TAF1C: variants seen among roughly 807,000 people sequenced by gnomAD.
TAF1C encodes TATA box-binding protein-associated factor RNA polymerase I subunit C.
In TAF1C, 79 loss-of-function variants were observed where a neutral mutation model predicts 70.5. The observed-to-expected ratio is 1.12, with a 90% confidence interval of 0.93 to 1.35. The LOEUF is 1.35. TAF1C is among the 40% of genes most tolerant of loss of function. The pLI is 0.00. For synonymous variants in TAF1C, 614 were observed against 491.1 expected, an observed-to-expected ratio of 1.25 and a Z score of -3.31; for missense variants, 1,412 against 1,127.8, an observed-to-expected ratio of 1.25 and a Z score of -3.61.
chr16:84,180,260 CCAG>C lies in TAF1C; in HGVS notation c.1390_1392del (p.Leu464del), dbSNP rs1567588060. The C allele has an allele frequency of 6.5e-6, 10 of 1,545,522 alleles. No individual in the cohort carries two copies. Among genetic ancestry groups the C allele is most frequent in the Admixed American group, 2.1e-5 (1 of 48,284 alleles). The stretch of plus-strand genomic sequence containing the variant: ...GGCCGGGGCGGAGGCAGCAGTCGGG[CCAG>C]CAGGAGCGGGGAGGGGAGGCCATGG... On this transcript the variant is annotated inframe_deletion, in exon 13 of 15. Coordinates refer to ENST00000566732, the MANE Select transcript of TAF1C (RefSeq NM_001243156.2).
In TAF1C at chr16:84,178,606, G is replaced by C. The variant is rs1019285101; in HGVS notation, c.*335C>G. On this transcript the variant is annotated 3_prime_UTR_variant, in exon 15 of 15. Transcript: ENST00000566732. ...CATTCCACTGGACAGGAAGGCGTGAGAACTGAGGGACCTGCCTGAGGCCCC... is the reference window on the plus strand; with the variant it reads ...CATTCCACTGGACAGGAAGGCGTGACAACTGAGGGACCTGCCTGAGGCCCC... 4 of 428,216 alleles carry C rather than the reference G, an allele frequency of 9.3e-6. No homozygotes were observed. Among genetic ancestry groups the C allele is most frequent in the Non-Finnish European group, 1.8e-5 (4 of 225,730 alleles). The allele number at this position is 428,216 out of a possible 1,614,324, so 26.5% of individuals were successfully genotyped here.
In TAF1C at chr16:84,177,930, GTA is replaced by G; in HGVS notation, c.*1009_*1010del. On this transcript the variant is annotated 3_prime_UTR_variant, in exon 15 of 15. Coordinates refer to ENST00000566732, the MANE Select transcript of TAF1C (RefSeq NM_001243156.2). ...CATTTTAACACCCACGCGAGTCAGT[GTA>G]TGATTGGGCTAGCTCCTGTTTGTGT... 9.2e-7 allele frequency: 1 copy of G among 1,092,036 alleles called. No homozygotes were observed. Among genetic ancestry groups the G allele is most frequent in the South Asian group, 1.3e-5 (1 of 78,292 alleles). The allele number at this position is 1,092,036 out of a possible 1,614,324, so 67.6% of individuals were successfully genotyped here.
chr16:84,184,029 G>T (rs997073190), intron 2 of TAF1C, among the ~76,000 whole-genome samples: 7 of 152,190 alleles, frequency 4.6e-5, no homozygotes, highest in African/African-American at 1.7e-4. Flanking sequence ...TCCTGTTTCC[G>T]ACCTCCACCT....
intron 11 of TAF1C, 28 bp from the exon 12 acceptor site, chr16:84,181,214 C>T (rs1228754252): frequency 6.3e-7 from 1 of 1,593,844 alleles, no homozygotes; most frequent in Non-Finnish European, 8.6e-7. Flanking sequence ...GGTCAGCCCT[C>T]CCCACAGTCC....
At chr16:84,180,560 G>A (rs940447042) in intron 12 of TAF1C, 5 of 607,120 alleles carry the variant, frequency 8.2e-6, no homozygotes, top group Admixed American at 3.7e-5. Context: ...TGGACAGACA[G>A]AACAAGTGGG....
chr16:84,186,048 T>C (rs1567602774), intron 1 of TAF1C, among the ~76,000 whole-genome samples: 1 of 152,250 alleles, frequency 6.6e-6, no homozygotes, highest in Non-Finnish European at 1.5e-5. Flanking sequence ...AGCATCTATC[T>C]GCCAGGCACA....
chr16:84,182,291 CA>C lies in TAF1C; in HGVS notation c.631del (p.Cys211AlafsTer37). The C allele has an allele frequency of 6.2e-7, 1 of 1,613,022 alleles. No homozygotes were observed. Among genetic ancestry groups the C allele is most frequent in the South Asian group, 1.1e-5 (1 of 91,084 alleles). ...RWEQLLLDEA[C>X]TGGALAWVPG... ...AACCCAGGCCAGCGCGCCCCCAGTG[CA>C]GGCCTCATCCAGAAGCAGCTGCTCC... On this transcript the variant is annotated frameshift_variant, in exon 7 of 15. Transcript: ENST00000566732. LOFTEE classifies it high-confidence loss of function. The surrounding 1 kb of genome is among the most constrained non-coding windows in gnomAD (Gnocchi z 5.0).
intron 3 of TAF1C, 54 bp downstream of exon 3, chr16:84,183,643 T>C (rs2089328574): frequency 5.1e-6 from 8 of 1,566,668 alleles, no homozygotes; most frequent in Non-Finnish European, 7.0e-6. Flanking sequence ...GCGGGAGCAG[T>C]GGGAAGAATA....
Position 84,182,429 on chromosome 16 carries a change from G to C in TAF1C, c.494C>G (p.Ala165Gly). ...GCGGCGCTGTCGGTTGCTGAGGTAA[G>C]CCCAGGGACACCTGGGGACCAGAGA... ...GGHQPWGCPW[A>G]YLSNRQRRFS... The change falls in exon 7 of 15, where the codon GCT (alanine) becomes GGT (glycine). Residue 165 changes from alanine to glycine, a missense_variant. Physicochemically the swap from Ala to Gly is moderately conservative, Grantham distance 60. Transcript: ENST00000566732. The surrounding 1 kb of genome is among the most constrained non-coding windows in gnomAD (Gnocchi z 5.0). 1 of 1,601,966 alleles carries C rather than the reference G, an allele frequency of 6.2e-7. No homozygotes were observed. The highest frequency in any genetic ancestry group is 8.5e-7 in the Non-Finnish European group (1 of 1,176,910).
chr16:84,181,300 G>C (rs768850268), intron 11 of TAF1C, 28 bp downstream of exon 11: 2 of 1,610,874 alleles, frequency 1.2e-6, no homozygotes, highest in Non-Finnish European at 8.5e-7. Flanking sequence ...CCCGCAGTCG[G>C]GGTGGGTCCT....
At position 84,180,047 on chromosome 16, in the gene TAF1C, G is replaced by C. The variant is rs573866482; in HGVS notation, c.1520C>G (p.Pro507Arg). 1.2e-6 allele frequency: 2 copies of C among 1,607,408 alleles called. No homozygotes were observed. Among genetic ancestry groups the C allele is most frequent in the African/African-American group, 1.3e-5 (1 of 74,906 alleles). ...GASVPRLAGPPQSLPSRIDSL... is the reference protein window; with the variant it reads ...GASVPRLAGPRQSLPSRIDSL... ...GTCGATCCTGGAAGGAAGAGACTGG[G>C]GGGGGCCTGCCAGGCGGGGCACCGA... Residue 507 changes from proline to arginine, a missense_variant, in exon 14 of 15, where the codon CCC becomes CGC. Pro to Arg is a moderately radical substitution (Grantham distance 103). Coordinates refer to ENST00000566732, the MANE Select transcript of TAF1C (RefSeq NM_001243156.2).
chr16:84,181,755 A>C lies in TAF1C; in HGVS notation c.947T>G (p.Ile316Ser). The C allele has an allele frequency of 6.2e-7, 1 of 1,613,944 alleles. No homozygotes were observed. Among genetic ancestry groups the C allele is most frequent in the Non-Finnish European group, 8.5e-7 (1 of 1,179,916 alleles). Reference protein sequence around the residue: ...AMQVEKGATGISLSPHLPGEL... With the variant: ...AMQVEKGATGSSLSPHLPGEL... ...ACCTGACCCCCCTCACCTGAGGCTG[A>C]TCCCCGTGGCCCCTTTCTCCACCTG... is the stretch of plus-strand genomic sequence containing the variant. Residue 316 changes from isoleucine (I) to serine (S), a missense_variant, in exon 9 of 15, where the codon ATC becomes AGC. By Grantham distance (142) the Ile-to-Ser change is moderately radical. Transcript: ENST00000566732.
chr16:84,183,902 G>T, intron 2 of TAF1C, 124 bp from the exon 3 acceptor site: 1 of 675,346 alleles, frequency 1.5e-6, no homozygotes, highest in South Asian at 2.5e-5. Context: ...AAGCTGGGAT[G>T]ACTGGCATTG....
chr16:84,184,024 T>C (rs916873807), intron 2 of TAF1C, among the ~76,000 whole-genome samples: 2 of 152,202 alleles, frequency 1.3e-5, no homozygotes, highest in Non-Finnish European at 2.9e-5. Flanking sequence ...AGAGCTCCTG[T>C]TTCCGACCTC....
intron 11 of TAF1C, 45 bp from the exon 12 acceptor site, chr16:84,181,231 G>A (rs2303234): frequency 6.9e-6 from 11 of 1,591,950 alleles, no homozygotes; most frequent in African/African-American, 2.7e-5. Context: ...GTCCCAGGCC[G>A]GTGACGCTGT....
At chr16:84,183,584 A>C in intron 3 of TAF1C, 77 bp from the exon 4 acceptor site, 1 of 1,549,476 alleles carries the variant, frequency 6.5e-7, no homozygotes, top group East Asian at 2.3e-5. Flanking sequence ...GGAGGTATCC[A>C]AGGGTCCTGA....
In TAF1C at chr16:84,181,172, A is replaced by G. The variant is rs563154381; in HGVS notation, c.1179T>C (p.Cys393=). The part of the protein sequence containing the change: ...KMLDTQGPPG[C]GLLLFRLGAE... ...CCCCCAAACGAAAAAGCAACAGACC[A>G]CAGCCCGGCGGGCCCTGGAAGATAA... The change falls in exon 12 of 15, where the codon TGT becomes TGC. Residue 393 remains cysteine, a synonymous_variant. Transcript: ENST00000566732. The G allele has an allele frequency of 5.5e-5, 88 of 1,609,184 alleles. No individual in the cohort carries two copies. In the African/African-American group the frequency reaches 1.0e-3, roughly 18 times the overall value.
chr16:84,183,758 G>A lies in TAF1C; in HGVS notation c.159C>T (p.Thr53=). 6.2e-7 allele frequency: 1 copy of A among 1,612,628 alleles called. No individual in the cohort carries two copies. Among genetic ancestry groups the A allele is most frequent in the Non-Finnish European group, 8.5e-7 (1 of 1,179,004 alleles). The change falls in exon 3 of 15, where the codon ACC becomes ACT. Residue 53 remains threonine, a synonymous_variant. Coordinates refer to ENST00000566732, the MANE Select transcript of TAF1C (RefSeq NM_001243156.2). ...QNSENGALHV[T]KDLLWEPATP... is the part of the protein sequence containing the mutation. The stretch of plus-strand genomic sequence containing the variant: ...TTGCCGGCTCCCACAGCAGGTCCTT[G>A]GTCACATGCAGTGCCCCATTCTGAA...
rs745888477 is a variant in TAF1C at position 84,179,069 on chromosome 16, T to C, written c.2404A>G (p.Thr802Ala). The C allele has an allele frequency of 1.2e-6, 2 of 1,610,356 alleles. No homozygotes were observed. Among genetic ancestry groups the C allele is most frequent in the East Asian group, 2.2e-5 (1 of 44,836 alleles). Residue 802 changes from threonine (T) to alanine (A), a missense_variant, in exon 15 of 15, where the codon ACC becomes GCC. Physicochemically the swap from Thr to Ala is moderately conservative, Grantham distance 58. Transcript: ENST00000566732. Reference sequence around the variant, plus strand: ...GGAGGTGTGGTGGCACAGCCTGGGGTGTCCCTCTGGGGTGGTAGCTTGGCC... The same window carrying C: ...GGAGGTGTGGTGGCACAGCCTGGGGCGTCCCTCTGGGGTGGTAGCTTGGCC... ...YMAKLPPQRD[T>A]PGCATTPPHS...
Sources: allele counts gnomAD v4.1 joint callset (sites outside exome capture counted in the v4.1 genomes callset), GRCh38; gene constraint gnomAD v4.1.1; non-coding constraint Gnocchi (gnomAD v3.1); transcripts MANE v1.5; gene names NCBI Gene and HGNC (gene_info 2026-07-23, HGNC 2026-07-21).